UHRF2: variants seen among roughly 807,000 people sequenced by gnomAD.
The protein encoded by UHRF2 is E3 ubiquitin-protein ligase UHRF2.
UHRF2 carries 23 observed loss-of-function variants against 96.8 expected under a neutral mutation model. The ratio of observed to expected loss-of-function variants is 0.24; its 90% CI spans 0.17 to 0.34. UHRF2 has a LOEUF of 0.34. UHRF2 is among the 10% of genes least tolerant of loss of function. The probability of loss-of-function intolerance (pLI) is 1.00; values close to 1 mark genes in which losing one functional copy is unlikely to be tolerated. For synonymous variants in UHRF2, 385 were observed against 332.6 expected (o/e 1.16, Z -1.72); for missense variants, 685 against 981.5 (o/e 0.70, Z 4.04).
rs762274036 is a variant in UHRF2, at chr9:6,460,815, A to G, written c.863+24A>G. 2.1e-5 allele frequency: 33 copies of G among 1,588,428 alleles called. No homozygotes were observed. The South Asian group carries it at 3.5e-4, about 17-fold the overall frequency. On this transcript the variant is annotated intron_variant, in intron 4 of 15. Transcript: ENST00000276893. ...GGGTAAGATTGTCTTCACTGGTGCC[A>G]TTTAATTAACTGAATTGATCAAGGA... is the stretch of plus-strand genomic sequence containing the variant.
intron 8 of UHRF2, among the ~76,000 whole-genome samples, chr9:6,483,158 C>G (rs957353030): frequency 2.0e-5 from 3 of 151,746 alleles, no homozygotes; most frequent in African/African-American, 7.3e-5. Flanking sequence ...AGACCCATCT[C>G]TACTAAAAAT....
chr9:6,441,148 G>A (rs921295933), intron 3 of UHRF2, among the ~76,000 whole-genome samples: 1 of 152,096 alleles, frequency 6.6e-6, no homozygotes, highest in African/African-American at 2.4e-5. Flanking sequence ...GGAGGCCAAG[G>A]CAGGTGGATC....
intron 9 of UHRF2, among the ~76,000 whole-genome samples, chr9:6,487,622 C>G (rs1420145843): frequency 6.6e-6 from 1 of 152,190 alleles, no homozygotes; most frequent in African/African-American, 2.4e-5. Context: ...CCGCCTTGGC[C>G]TCCCAAAGTG....
intron 3 of UHRF2, among the ~76,000 whole-genome samples, chr9:6,445,395 C>G (rs188034708): frequency 1.8e-4 from 28 of 152,060 alleles, no homozygotes; most frequent in African/African-American, 6.5e-4. Context: ...TCCTGAGTAA[C>G]GGATTACAGG....
intron 2 of UHRF2, among the ~76,000 whole-genome samples, chr9:6,433,178 A>G (rs1398039133): frequency 6.6e-6 from 1 of 151,822 alleles, no homozygotes; most frequent in Non-Finnish European, 1.5e-5. Context: ...TGTTTTTTAA[A>G]CCTTTCATTT....
intron 4 of UHRF2, among the ~76,000 whole-genome samples, chr9:6,461,760 T>C (rs1448529302): frequency 6.6e-6 from 1 of 152,200 alleles, no homozygotes; most frequent in African/African-American, 2.4e-5. Context: ...TTTTACACTT[T>C]GGAAAACATT....
At chr9:6,431,281 C>G (rs1164313337) in intron 2 of UHRF2, among the ~76,000 whole-genome samples, 1 of 152,154 alleles carries the variant, frequency 6.6e-6, no homozygotes, top group South Asian at 2.1e-4. Flanking sequence ...CACAGCAATA[C>G]TTAGTAGGGT....
chr9:6,478,158 T>G (rs1243066257), intron 6 of UHRF2, among the ~76,000 whole-genome samples: 1 of 152,242 alleles, frequency 6.6e-6, no homozygotes, highest in African/African-American at 2.4e-5. Context: ...CTTACCACTT[T>G]CCTCTTTCAT....
intron 8 of UHRF2, among the ~76,000 whole-genome samples, chr9:6,485,289 T>G (rs1484768431): frequency 6.6e-6 from 1 of 152,126 alleles, no homozygotes; most frequent in South Asian, 2.1e-4. Context: ...AAAATACACT[T>G]TGTGTATTTC....
chr9:6,494,068 A>G, intron 10 of UHRF2, 136 bp downstream of exon 10: 1 of 681,624 alleles, frequency 1.5e-6, no homozygotes, highest in Non-Finnish European at 2.4e-6. Context: ...CCAGTGCCTG[A>G]TTATGTAATT....
At chr9:6,502,429 T>A (rs73394299) in intron 14 of UHRF2, among the ~76,000 whole-genome samples, 2,679 of 152,278 alleles carry the variant, frequency 0.018, 72 homozygotes, top group African/African-American at 0.062. Flanking sequence ...CAAACTACCC[T>A]TTCTAAAATG....
chr9:6,430,737 C>T (rs1400753782), intron 2 of UHRF2, among the ~76,000 whole-genome samples: 2 of 152,172 alleles, frequency 1.3e-5, no homozygotes, highest in East Asian at 3.9e-4. Context: ...CTTGTTTCCC[C>T]TGCCTTGCCT....
At chr9:6,487,481 C>T (rs1824373768) in intron 9 of UHRF2, among the ~76,000 whole-genome samples, 1 of 152,214 alleles carries the variant, frequency 6.6e-6, no homozygotes. Flanking sequence ...ATTCTCCTGC[C>T]TCCACCTCCT....
intron 4 of UHRF2, among the ~76,000 whole-genome samples, chr9:6,472,341 T>A (rs889219126): frequency 6.6e-6 from 1 of 152,212 alleles, no homozygotes; most frequent in Non-Finnish European, 1.5e-5. Flanking sequence ...TGTATGAAGT[T>A]AGAAGAGAGT....
intron 9 of UHRF2, among the ~76,000 whole-genome samples, chr9:6,490,903 T>C (rs1288742188): frequency 2.6e-5 from 4 of 152,232 alleles, no homozygotes; most frequent in Admixed American, 2.6e-4. Context: ...TAGGCAAGTA[T>C]ATCTATAGGA....
At chr9:6,496,785 T>G (rs1825000554) in intron 10 of UHRF2, 1 of 154,356 alleles carries the variant, frequency 6.5e-6, no homozygotes, top group African/African-American at 2.4e-5. Flanking sequence ...CTGGATTTCT[T>G]TCTACATTAT....
At chr9:6,420,812 G>A in intron 1 of UHRF2, 100 bp from the exon 2 acceptor site, 1 of 890,900 alleles carries the variant, frequency 1.1e-6, no homozygotes, top group Non-Finnish European at 1.8e-6. Flanking sequence ...CTAAACTGTA[G>A]TGCTATGGAT....
At chr9:6,461,023 C>G (rs973045618) in intron 4 of UHRF2, among the ~76,000 whole-genome samples, 10 of 152,124 alleles carry the variant, frequency 6.6e-5, no homozygotes, top group African/African-American at 1.9e-4. Flanking sequence ...TTGGAAATAA[C>G]TGAGTGTTTT....
chr9:6,477,683 C>T lies in UHRF2; in HGVS notation c.1035C>T (p.Cys345=), dbSNP rs757775191. ...GGDPEKKCHS[C]SCRVCGGKHE... ...ACCCAGAAAAGAAATGTCATTCTTG[C>T]TCCTGTCGTGTATGTGGTGGGAAAC... The change falls in exon 6 of 16, where the codon TGC becomes TGT. Residue 345 remains cysteine, a synonymous_variant. Coordinates refer to ENST00000276893, the MANE Select transcript of UHRF2 (RefSeq NM_152896.3). The T allele has an allele frequency of 3.1e-6, 5 of 1,614,132 alleles. No individual in the cohort carries two copies. Among genetic ancestry groups the T allele is most frequent in the Non-Finnish European group, 3.4e-6 (4 of 1,179,994 alleles).
Sources: allele counts gnomAD v4.1 joint callset (sites outside exome capture counted in the v4.1 genomes callset), GRCh38; gene constraint gnomAD v4.1.1; transcripts MANE v1.5; gene names NCBI Gene and HGNC (gene_info 2026-07-23, HGNC 2026-07-21).